The following VPS13A variants were observed in gnomAD, a reference collection of about 807,000 sequenced individuals.
The protein encoded by VPS13A is intermembrane lipid transfer protein VPS13A.
Under a neutral mutation model 390.9 loss-of-function variants are expected in VPS13A, and 264 were observed. The ratio of observed to expected loss-of-function variants is 0.68; its 90% CI spans 0.61 to 0.75. The LOEUF (loss-of-function observed/expected upper bound fraction) is 0.75, where lower values mean the gene tolerates loss of function less well. Ranked by LOEUF, VPS13A falls within the 30% of genes least tolerant of loss-of-function variation. The pLI, the probability that VPS13A is intolerant of heterozygous loss-of-function variation, is 0.00. For missense variants in VPS13A, 3,409 were observed against 3,733.9 expected, an observed-to-expected ratio of 0.91 and a Z score of 2.27; for synonymous variants, 1,231 against 1,227.1, an observed-to-expected ratio of 1.00 and a Z score of -0.07.
rs143907412 is a variant in VPS13A, at chr9:77,375,347, T to C, written c.9077+4198T>C. On this transcript the variant is annotated intron_variant, in intron 67 of 71. Transcript: ENST00000360280. Reference sequence around the variant, plus strand: ...CAAGATTCAAAGATAAAAATATAAATTGGATAAATCTAATTGAGCTACATG... The same window carrying C: ...CAAGATTCAAAGATAAAAATATAAACTGGATAAATCTAATTGAGCTACATG... 5.8e-3 allele frequency among the ~76,000 whole-genome samples: 879 copies of C among 152,210 alleles called. 12 individuals carry two copies. Among genetic ancestry groups the C allele is most frequent in the African/African-American group, 0.02 (847 of 41,542 alleles).
In VPS13A at chr9:77,386,352, C is replaced by T. The variant is rs111550385; in HGVS notation, c.9189+4265C>T. Among the ~76,000 whole-genome samples the T allele has an allele frequency of 3.5e-3, 540 of 152,274 alleles. 3 individuals are homozygous for T. Among genetic ancestry groups the T allele is most frequent in the African/African-American group, 0.012 (515 of 41,558 alleles). On this transcript the variant is annotated intron_variant, in intron 68 of 71. Transcript: ENST00000360280. ...CTTCTTACATTCCAACTTTGCTAGT[C>T]ACAAGGCCTTTGTAAAAGAGACTGT...
In VPS13A at chr9:77,403,145, G is replaced by A. The variant is rs974066988; in HGVS notation, c.9190-91G>A. On this transcript the variant is annotated intron_variant, in intron 68 of 71. Coordinates refer to ENST00000360280, the MANE Select transcript of VPS13A (RefSeq NM_033305.3). ...CTATGTTAATGGTTTGCCCCATTGA[G>A]AAATGGTTTTTAGAGGACTATAAGG... The A allele has an allele frequency of 4.7e-6, 4 of 856,536 alleles. No homozygotes were observed. In the African/African-American group the frequency reaches 6.7e-5, roughly 14 times the overall value. The allele number at this position is 856,536 out of a possible 1,614,324, so 53.1% of individuals were successfully genotyped here.
intron 50 of VPS13A, among the ~76,000 whole-genome samples, chr9:77,340,893 A>G (rs1830771800): frequency 6.6e-6 from 1 of 152,258 alleles, no homozygotes; most frequent in African/African-American, 2.4e-5. Flanking sequence ...GAATGCTTTC[A>G]GAGAGTAGGG....
chr9:77,315,172 A>G (rs752383221), intron 37 of VPS13A, 81 bp from the exon 38 acceptor site: 18 of 1,233,202 alleles, frequency 1.5e-5, no homozygotes, highest in Non-Finnish European at 2.1e-5. Context: ...AAAAGAGATA[A>G]GAGGTCTTTG....
Position 77,416,851 on chromosome 9 carries a change from C to G in VPS13A, c.*845C>G, listed in dbSNP as rs983534862. The G allele has an allele frequency of 6.6e-6, 1 of 152,590 alleles. No homozygotes were observed. The highest frequency in any genetic ancestry group is 2.4e-5 in the African/African-American group (1 of 41,436). 9.5% of individuals were successfully genotyped at this position (152,590 alleles called of 1,614,324 possible). On this transcript the variant is annotated 3_prime_UTR_variant, in exon 72 of 72. Transcript: ENST00000360280. ...CCATTCACTGTTAACATGGAATAAA[C>G]ACAATTCCCAACATCTTAGATAGTG...
intron 68 of VPS13A, among the ~76,000 whole-genome samples, chr9:77,393,857 C>T (rs544000646): frequency 1.3e-5 from 2 of 152,246 alleles, no homozygotes; most frequent in African/African-American, 4.8e-5. Flanking sequence ...CAACCTCCGC[C>T]TCCTGGGTTC....
rs2131231540 is a variant in VPS13A, at chr9:77,238,370, C to T, written c.1884C>T (p.Arg628=). The change falls in exon 19 of 72, where the codon CGC becomes CGT. Residue 628 remains arginine, a synonymous_variant. Coordinates refer to ENST00000360280, the MANE Select transcript of VPS13A (RefSeq NM_033305.3). ...CTTTGACAAAACTGGAAGAATTTCG[C>T]AGTAAGACAGCAACAGGTAAATGCC... The part of the protein sequence containing the change: ...AATLTKLEEF[R]SKTATGLLYI... 1.2e-6 allele frequency: 2 copies of T among 1,613,404 alleles called. No homozygotes were observed. Among genetic ancestry groups the T allele is most frequent in the Non-Finnish European group, 1.7e-6 (2 of 1,179,494 alleles).
intron 19 of VPS13A, among the ~76,000 whole-genome samples, chr9:77,243,148 A>T (rs958682159): frequency 1.3e-5 from 2 of 151,790 alleles, no homozygotes; most frequent in Non-Finnish European, 2.9e-5. Context: ...ATTTTGTTAC[A>T]TTCTCCTCTA....
At chr9:77,242,858 C>T (rs1410454870) in intron 19 of VPS13A, among the ~76,000 whole-genome samples, 2 of 151,920 alleles carry the variant, frequency 1.3e-5, no homozygotes, top group Non-Finnish European at 1.5e-5. Context: ...TGGAAGTCTT[C>T]AGTATTTTAC....
At chr9:77,385,139 A>C in intron 68 of VPS13A, 5 of 962,000 alleles carry the variant, frequency 5.2e-6, no homozygotes, top group Non-Finnish European at 6.2e-6. Flanking sequence ...TTATCATTTT[A>C]AAGATATTTT....
intron 1 of VPS13A, among the ~76,000 whole-genome samples, chr9:77,193,842 G>A (rs1409118558): frequency 1.3e-5 from 2 of 152,082 alleles, no homozygotes; most frequent in Non-Finnish European, 2.9e-5. Flanking sequence ...CCAAGGGTTT[G>A]ACCTTGATAT....
At position 77,351,427 on chromosome 9, in the gene VPS13A, G is replaced by A; in HGVS notation, c.7400G>A (p.Gly2467Asp). The A allele has an allele frequency of 6.2e-7, 1 of 1,613,636 alleles. No homozygotes were observed. The stretch of plus-strand genomic sequence containing the variant: ...AAGTGGAGATGTAGAAAAAGCCATG[G>A]TGAAGTAACACAGAAGGATGTAAGT... ...RLKWRCRKSHGEVTQKDDMMM... is the reference protein window; with the variant it reads ...RLKWRCRKSHDEVTQKDDMMM... Residue 2467 changes from glycine to aspartate, a missense_variant, in exon 53 of 72, where the codon GGT becomes GAT. Gly to Asp is a moderately conservative substitution (Grantham distance 94). Coordinates refer to ENST00000360280, the MANE Select transcript of VPS13A (RefSeq NM_033305.3).
chr9:77,336,289 A>G (rs1830533382), intron 46 of VPS13A, among the ~76,000 whole-genome samples: 1 of 152,144 alleles, frequency 6.6e-6, no homozygotes, highest in African/African-American at 2.4e-5. Context: ...CCACTATGGC[A>G]TGTGTATACC....
chr9:77,358,314 A>G lies in VPS13A; in HGVS notation c.7954-43A>G, dbSNP rs138796581. Reference sequence around the variant, plus strand: ...AATCCTGTTATTCTGGTCAGGTTGTATAATTGACATATTAATATACTGATG... The same window carrying G: ...AATCCTGTTATTCTGGTCAGGTTGTGTAATTGACATATTAATATACTGATG... On this transcript the variant is annotated intron_variant, in intron 56 of 71. Coordinates refer to ENST00000360280, the MANE Select transcript of VPS13A (RefSeq NM_033305.3). The G allele has an allele frequency of 8.6e-4, 1,264 of 1,465,588 alleles. 12 individuals are homozygous for G. The African/African-American group carries it at 0.016, about 18-fold the overall frequency. The allele number at this position is 1,465,588 out of a possible 1,614,324, so 90.8% of individuals were successfully genotyped here. A position where few individuals can be genotyped will look rare whatever the true frequency, so the allele number is the denominator to read the frequency against.
chr9:77,377,162 T>C (rs957235995), intron 67 of VPS13A, among the ~76,000 whole-genome samples: 3 of 151,360 alleles, frequency 2.0e-5, no homozygotes, highest in African/African-American at 7.3e-5. Flanking sequence ...ACGAGTCTTA[T>C]ACTTCTTTTT....
At chr9:77,403,075 T>C (rs1834457620) in intron 68 of VPS13A, among the ~76,000 whole-genome samples, 161 bp from the exon 69 acceptor site, 1 of 152,216 alleles carries the variant, frequency 6.6e-6, no homozygotes, top group Non-Finnish European at 1.5e-5. Context: ...TAGATGCTTT[T>C]AAAAAGGAAA....
chr9:77,354,776 A>G (rs1027296076), intron 54 of VPS13A, among the ~76,000 whole-genome samples: 1 of 152,068 alleles, frequency 6.6e-6, no homozygotes, highest in African/African-American at 2.4e-5. Flanking sequence ...GAACCCATCA[A>G]AAGCAAACTT....
chr9:77,219,865 G>A (rs1823088336), intron 10 of VPS13A, 89 bp from the exon 11 acceptor site: 2 of 1,375,296 alleles, frequency 1.5e-6, no homozygotes, highest in Non-Finnish European at 2.1e-6. Context: ...TAAAATAAAT[G>A]GAAATCAGTG....
chr9:77,183,793 C>T (rs534083905), intron 1 of VPS13A, among the ~76,000 whole-genome samples: 2 of 152,310 alleles, frequency 1.3e-5, no homozygotes, highest in Non-Finnish European at 2.9e-5. Flanking sequence ...ATGTGCATAG[C>T]AGCTTTATTT....
Sources: gnomAD v4.1 joint callset for allele counts (sites outside exome capture counted in the v4.1 genomes callset) on GRCh38, gnomAD v4.1.1 for gene constraint, MANE v1.5 for transcripts, NCBI Gene and HGNC (gene_info 2026-07-23, HGNC 2026-07-21) for gene names.